ADCY8: variants seen among roughly 807,000 people sequenced by gnomAD.
ADCY8 encodes the protein adenylate cyclase 8, also known as adenylate cyclase type 8.
In ADCY8, 51 loss-of-function variants were observed where a neutral mutation model predicts 119.7. The observed-to-expected ratio is 0.43, with a 90% confidence interval of 0.34 to 0.54. The LOEUF (loss-of-function observed/expected upper bound fraction) is 0.54, where lower values mean the gene tolerates loss of function less well. ADCY8 is among the 20% of genes least tolerant of loss of function. The pLI, the probability that ADCY8 is intolerant of heterozygous loss-of-function variation, is 0.03. For synonymous variants in ADCY8, 665 were observed against 651.0 expected, an observed-to-expected ratio of 1.02 and a Z score of -0.33; for missense variants, 1,383 against 1,598.8, an observed-to-expected ratio of 0.87 and a Z score of 2.30.
chr8:130,951,318 T>C (rs982714714), intron 3 of ADCY8, among the ~76,000 whole-genome samples: 2 of 152,212 alleles, frequency 1.3e-5, no homozygotes, highest in African/African-American at 4.8e-5. Context: ...ACATGCCATG[T>C]TGTCCAGTGT....
chr8:131,018,965 A>T (rs1449277108), intron 1 of ADCY8, among the ~76,000 whole-genome samples: 1 of 152,134 alleles, frequency 6.6e-6, no homozygotes, highest in South Asian at 2.1e-4. Flanking sequence ...TACCCAGTTC[A>T]CCTGCCACCT....
intron 7 of ADCY8, among the ~76,000 whole-genome samples, chr8:130,902,867 G>T (rs1374749469): frequency 5.3e-5 from 8 of 151,872 alleles, no homozygotes; most frequent in Non-Finnish European, 5.9e-5. Flanking sequence ...TTATATATTG[G>T]CTATTTTTAT....
intron 9 of ADCY8, among the ~76,000 whole-genome samples, chr8:130,863,667 TA>T (rs1818021526): frequency 6.6e-6 from 1 of 152,130 alleles, no homozygotes; most frequent in African/African-American, 2.4e-5. Flanking sequence ...CTCAAGAGCT[TA>T]AAATATGCAT....
intron 9 of ADCY8, among the ~76,000 whole-genome samples, chr8:130,855,747 G>A (rs1288413283): frequency 2.0e-5 from 3 of 152,068 alleles, no homozygotes; most frequent in East Asian, 3.9e-4. Flanking sequence ...GCCAGTCACT[G>A]TGAACCGTCA....
At chr8:130,934,402 T>C (rs537408561) in intron 5 of ADCY8, among the ~76,000 whole-genome samples, 34 of 152,164 alleles carry the variant, frequency 2.2e-4, no homozygotes, top group Middle Eastern at 6.8e-3. Context: ...TACACACTTA[T>C]AAACAACCAG....
chr8:130,988,356 A>G (rs1345793022), intron 2 of ADCY8, among the ~76,000 whole-genome samples: 1 of 152,146 alleles, frequency 6.6e-6, no homozygotes, highest in East Asian at 1.9e-4. Flanking sequence ...TTGTGAACAC[A>G]GGACTAAAAG....
chr8:131,014,690 G>A (rs986072846), intron 1 of ADCY8, among the ~76,000 whole-genome samples: 2 of 152,100 alleles, frequency 1.3e-5, no homozygotes, highest in African/African-American at 4.8e-5. Context: ...TACTAGTTGT[G>A]AGAACACAGG....
Position 130,903,714 on chromosome 8 carries a change from T to C in ADCY8, c.1911+58A>G, listed in dbSNP as rs1262842667. On this transcript the variant is annotated intron_variant, in intron 7 of 17. Coordinates refer to ENST00000286355, the MANE Select transcript of ADCY8 (RefSeq NM_001115.3). Reference sequence around the variant, plus strand: ...TCAGTTTTCTCTGAGGTGTCTGGATTGGAGATGCACACGAGCATGCATTCA... The same window carrying C: ...TCAGTTTTCTCTGAGGTGTCTGGATCGGAGATGCACACGAGCATGCATTCA... 1.9e-6 allele frequency: 3 copies of C among 1,579,288 alleles called. No homozygotes were observed. In the East Asian group the frequency reaches 6.7e-5, roughly 36 times the overall value.
rs1210624272 is a variant in ADCY8, at chr8:131,014,530, T to G, written c.961-23988A>C. On this transcript the variant is annotated intron_variant, in intron 1 of 17. Coordinates refer to ENST00000286355, the MANE Select transcript of ADCY8 (RefSeq NM_001115.3). ...CACAGCTAAGCCTATTTTACCATTT[T>G]TTTTAAAGCAGGATAATTGATAACT... Among the ~76,000 whole-genome samples, 7 of 152,270 alleles carry G rather than the reference T, an allele frequency of 4.6e-5. No homozygotes were observed. In the East Asian group the frequency reaches 1.3e-3, roughly 29 times the overall value.
chr8:130,789,694 C>G (rs1328158031), intron 15 of ADCY8, among the ~76,000 whole-genome samples: 2 of 152,156 alleles, frequency 1.3e-5, no homozygotes, highest in East Asian at 3.8e-4. Context: ...TAAAGGCCAC[C>G]CAGCTAAGAA....
chr8:130,974,295 A>T (rs1822007839), intron 2 of ADCY8, among the ~76,000 whole-genome samples: 1 of 152,196 alleles, frequency 6.6e-6, no homozygotes, highest in South Asian at 2.1e-4. Flanking sequence ...AAAATTACTT[A>T]CAAGCTAATG....
At chr8:131,005,964 G>A in intron 1 of ADCY8, among the ~76,000 whole-genome samples, 1 of 152,120 alleles carries the variant, frequency 6.6e-6, no homozygotes, top group Admixed American at 6.5e-5. Context: ...ACACCTTGGT[G>A]TTTGCACATT....
intron 2 of ADCY8, among the ~76,000 whole-genome samples, chr8:130,973,631 C>T (rs905785688): frequency 1.3e-5 from 2 of 152,190 alleles, no homozygotes; most frequent in African/African-American, 4.8e-5. Context: ...TAAGCCACTA[C>T]ATTCTGGTGT....
At chr8:130,967,589 C>T (rs1185685615) in intron 2 of ADCY8, among the ~76,000 whole-genome samples, 2 of 152,156 alleles carry the variant, frequency 1.3e-5, no homozygotes, top group African/African-American at 4.8e-5. Context: ...CTTCCCAGTG[C>T]TCAACTCACA....
At chr8:130,818,037 T>C (rs1816398138) in intron 13 of ADCY8, among the ~76,000 whole-genome samples, 1 of 152,020 alleles carries the variant, frequency 6.6e-6, no homozygotes, top group South Asian at 2.1e-4. Context: ...TAAACCTGAA[T>C]CTCACCAAGC....
chr8:130,828,104 C>T (rs1001535959), intron 12 of ADCY8, among the ~76,000 whole-genome samples: 9 of 152,136 alleles, frequency 5.9e-5, no homozygotes, highest in Admixed American at 3.3e-4. Context: ...TCTGAACTGA[C>T]GCCAGCCTCC....
intron 12 of ADCY8, among the ~76,000 whole-genome samples, chr8:130,826,549 C>A (rs1816673075): frequency 6.6e-6 from 1 of 152,132 alleles, no homozygotes; most frequent in Non-Finnish European, 1.5e-5. Flanking sequence ...CATTCTCATT[C>A]ATGAGAATGG....
At chr8:130,837,530 A>G (rs1488669164) in intron 11 of ADCY8, among the ~76,000 whole-genome samples, 1 of 152,206 alleles carries the variant, frequency 6.6e-6, no homozygotes, top group East Asian at 1.9e-4. Flanking sequence ...ATTAGAAGTA[A>G]CTGCTTAAAT....
intron 3 of ADCY8, among the ~76,000 whole-genome samples, chr8:130,946,193 C>T (rs965808591): frequency 6.6e-6 from 1 of 152,278 alleles, no homozygotes; most frequent in African/African-American, 2.4e-5. Context: ...AATTAAATGA[C>T]TACTATACAC....
Sources: allele counts gnomAD v4.1 joint callset (sites outside exome capture counted in the v4.1 genomes callset), GRCh38; gene constraint gnomAD v4.1.1; transcripts MANE v1.5; gene names NCBI Gene and HGNC (gene_info 2026-07-23, HGNC 2026-07-21).